Variants in ATXN7L1 observed in about 807,000 individuals in gnomAD.
ATXN7L1 encodes ataxin-7-like protein 1.
Under a neutral mutation model 70.8 loss-of-function variants are expected in ATXN7L1, and 15 were observed. The observed-to-expected ratio is 0.21, with a 90% CI of 0.14 to 0.33. The LOEUF (loss-of-function observed/expected upper bound fraction) is 0.33, where lower values mean the gene tolerates loss of function less well. Among genes scored for constraint, ATXN7L1 ranks in the 10% least tolerant of loss-of-function variants. The probability of loss-of-function intolerance (pLI) is 1.00; values close to 1 mark genes in which losing one functional copy is unlikely to be tolerated. For missense variants in ATXN7L1, 975 were observed against 1,097.1 expected (o/e 0.89, Z 1.57); for synonymous variants, 440 against 445.1 (o/e 0.99, Z 0.14).
At chr7:105,818,341 T>A (rs1490465962) in intron 2 of ATXN7L1, among the ~76,000 whole-genome samples, 15 of 152,126 alleles carry the variant, frequency 9.9e-5, no homozygotes, top group Non-Finnish European at 2.2e-4. Context: ...CAGCTAATTT[T>A]TGTATTTTTT....
rs377295104 is a variant in ATXN7L1, at chr7:105,628,428, C to T, written c.1203-4161G>A. ...TGTAAGAAAGTTATTAAAGAACTTC[C>T]TATTTTTTGGTATTTTATTTTTCTT... On this transcript the variant is annotated intron_variant, in intron 7 of 11. Transcript: ENST00000419735. Among the ~76,000 whole-genome samples, 4 of 152,164 alleles carry T rather than the reference C, an allele frequency of 2.6e-5. No homozygotes were observed. In the East Asian group the frequency reaches 5.8e-4, roughly 22 times the overall value.
intron 2 of ATXN7L1, among the ~76,000 whole-genome samples, chr7:105,815,668 T>C (rs1809077171): frequency 6.6e-6 from 1 of 152,258 alleles, no homozygotes; most frequent in Non-Finnish European, 1.5e-5. Flanking sequence ...TCAGAGGATG[T>C]ACTCTCCCCT....
intron 3 of ATXN7L1, among the ~76,000 whole-genome samples, chr7:105,775,995 A>G (rs966604591): frequency 8.5e-5 from 13 of 152,150 alleles, no homozygotes; most frequent in African/African-American, 3.1e-4. Context: ...GTATGGGCTC[A>G]CTGTTCCAGA....
At position 105,613,910 on chromosome 7, in the gene ATXN7L1, G is replaced by A. The variant is rs190958070; in HGVS notation, c.2424C>T (p.Ser808=). ...MNSVHKKNPP[S]LLAPVPDPVN... ...CGGGATCGGGCACCGGTGCGAGAAGGCTGGGCGGGTTCTTTTTGTGAACGC... is the reference window on the plus strand; with the variant it reads ...CGGGATCGGGCACCGGTGCGAGAAGACTGGGCGGGTTCTTTTTGTGAACGC... Residue 808 remains serine, a synonymous_variant, in exon 10 of 12, where the codon AGC becomes AGT. Coordinates refer to ENST00000419735, the MANE Select transcript of ATXN7L1 (RefSeq NM_020725.2). 1.3e-6 allele frequency: 2 copies of A among 1,552,156 alleles called. No homozygotes were observed. Among genetic ancestry groups the A allele is most frequent in the South Asian group, 2.4e-5 (2 of 84,060 alleles).
At chr7:105,812,454 G>A (rs530385238) in intron 2 of ATXN7L1, among the ~76,000 whole-genome samples, 1 of 152,248 alleles carries the variant, frequency 6.6e-6, no homozygotes, top group South Asian at 2.1e-4. Context: ...CAAGATATTT[G>A]GGTCTTGATT....
chr7:105,786,719 T>G (rs1488963196), intron 3 of ATXN7L1, among the ~76,000 whole-genome samples: 1 of 152,044 alleles, frequency 6.6e-6, no homozygotes, highest in Non-Finnish European at 1.5e-5. Context: ...CTCACTATGT[T>G]GCCCAGGCTG....
At position 105,790,651 on chromosome 7, in the gene ATXN7L1, TATC is replaced by T. The variant is rs1194016941; in HGVS notation, c.251-1946_251-1944del. Among the ~76,000 whole-genome samples the T allele has an allele frequency of 3.2e-3, 456 of 143,386 alleles. 7 individuals carry two copies. The highest frequency in any genetic ancestry group is 0.021 in the Admixed American group (294 of 13,992). 94.1% of individuals were successfully genotyped at this position (143,386 alleles called of 152,430 possible). ...CTATCTATCTATCTATCTATCTATC[TATC>T]ATCTATCTACTATCTATCTACTATC... On this transcript the variant is annotated intron_variant, in intron 2 of 11. Transcript: ENST00000419735.
chr7:105,745,369 ACT>A (rs1420164871), intron 3 of ATXN7L1, among the ~76,000 whole-genome samples: 1 of 151,766 alleles, frequency 6.6e-6, no homozygotes, highest in African/African-American at 2.4e-5. Flanking sequence ...AATTGATTAC[ACT>A]CTTTCCTCTT....
chr7:105,660,212 AC>A (rs1801368179), intron 4 of ATXN7L1, among the ~76,000 whole-genome samples: 2 of 151,474 alleles, frequency 1.3e-5, no homozygotes, highest in African/African-American at 4.9e-5. Flanking sequence ...TTCCTGTGTG[AC>A]CCCCCGAGCC....
chr7:105,693,327 G>T (rs1472309714), intron 3 of ATXN7L1, among the ~76,000 whole-genome samples: 1 of 152,108 alleles, frequency 6.6e-6, no homozygotes, highest in Non-Finnish European at 1.5e-5. Context: ...AAGTAGCTGG[G>T]ACTATAGGTG....
At chr7:105,721,334 T>C (rs570425424) in intron 3 of ATXN7L1, among the ~76,000 whole-genome samples, 1 of 152,256 alleles carries the variant, frequency 6.6e-6, no homozygotes, top group East Asian at 1.9e-4. Context: ...ACTGAAGGCC[T>C]GACTCAAAAA....
At chr7:105,751,514 T>C (rs1377844987) in intron 3 of ATXN7L1, among the ~76,000 whole-genome samples, 2 of 152,012 alleles carry the variant, frequency 1.3e-5, no homozygotes, top group Non-Finnish European at 2.9e-5. Context: ...TGCATGCCTG[T>C]AGTTCCAGCT....
At chr7:105,710,197 C>T (rs1392489163) in intron 3 of ATXN7L1, among the ~76,000 whole-genome samples, 1 of 152,170 alleles carries the variant, frequency 6.6e-6, no homozygotes, top group African/African-American at 2.4e-5. Flanking sequence ...AGTCCATTCT[C>T]ACACTGCTAT....
intron 3 of ATXN7L1, among the ~76,000 whole-genome samples, chr7:105,690,646 C>A (rs936884687): frequency 6.6e-6 from 1 of 152,122 alleles, no homozygotes; most frequent in Non-Finnish European, 1.5e-5. Flanking sequence ...AAGGTTCTCC[C>A]GGACCATTAG....
At chr7:105,645,278 A>G (rs510352) in intron 4 of ATXN7L1, among the ~76,000 whole-genome samples, 2,689 of 152,346 alleles carry the variant, frequency 0.018, 75 homozygotes, top group African/African-American at 0.061. Context: ...TACCACAATT[A>G]AAAATGTTTT....
chr7:105,702,761 C>A (rs1792622247), intron 3 of ATXN7L1, among the ~76,000 whole-genome samples: 1 of 151,642 alleles, frequency 6.6e-6, no homozygotes, highest in Non-Finnish European at 1.5e-5. Context: ...AGGCGGATCA[C>A]CCGAGGTCTG....
intron 3 of ATXN7L1, among the ~76,000 whole-genome samples, chr7:105,786,335 G>T (rs1237093200): frequency 6.6e-6 from 1 of 152,162 alleles, no homozygotes; most frequent in Non-Finnish European, 1.5e-5. Context: ...CAGGGTTGGG[G>T]GAGGCAGGTG....
At chr7:105,657,194 T>C (rs1207119340) in intron 4 of ATXN7L1, among the ~76,000 whole-genome samples, 5 of 152,168 alleles carry the variant, frequency 3.3e-5, no homozygotes. Flanking sequence ...GATGCAGGTC[T>C]TCCAGGTCTG....
intron 4 of ATXN7L1, among the ~76,000 whole-genome samples, chr7:105,650,534 G>A (rs567522312): frequency 1.3e-5 from 2 of 152,350 alleles, no homozygotes; most frequent in Admixed American, 6.5e-5. Flanking sequence ...GTAAACTGGG[G>A]AAATGTGGTC....
Sources: allele counts gnomAD v4.1 joint callset (sites outside exome capture counted in the v4.1 genomes callset), GRCh38; gene constraint gnomAD v4.1.1; transcripts MANE v1.5; gene names NCBI Gene and HGNC (gene_info 2026-07-23, HGNC 2026-07-21).